RBFOX1: variants seen among roughly 807,000 people sequenced by gnomAD.
The protein encoded by RBFOX1 is RNA binding protein fox-1 homolog 1.
Under a neutral mutation model 57.7 loss-of-function variants are expected in RBFOX1, and 8 were observed. That is an observed-to-expected ratio of 0.14 (90% CI 0.08 to 0.25). RBFOX1 has a LOEUF of 0.25. Among genes scored for constraint, RBFOX1 ranks in the 10% least tolerant of loss-of-function variants. The pLI is 1.00. For synonymous variants in RBFOX1, 326 were observed against 222.4 expected (o/e 1.47, Z -4.15); for missense variants, 611 against 548.5 (o/e 1.11, Z -1.14).
chr16:7,003,266 C>T (rs1410009924), intron 3 of RBFOX1, among the ~76,000 whole-genome samples: 1 of 151,920 alleles, frequency 6.6e-6, no homozygotes, highest in East Asian at 1.9e-4. Context: ...CAAGACCATC[C>T]TGGCCAACAT....
intron 4 of RBFOX1, among the ~76,000 whole-genome samples, chr16:7,364,986 T>C (rs754066470): frequency 6.6e-6 from 1 of 152,140 alleles, no homozygotes; most frequent in African/African-American, 2.4e-5. Flanking sequence ...GATCAGATGA[T>C]TCTTTTGGGG....
chr16:6,623,091 C>T (rs1428032200), intron 2 of RBFOX1, among the ~76,000 whole-genome samples: 1 of 152,200 alleles, frequency 6.6e-6, no homozygotes, highest in Admixed American at 6.5e-5. Flanking sequence ...TGCTGTGTCC[C>T]TTGAAGTATT....
intron 4 of RBFOX1, among the ~76,000 whole-genome samples, chr16:7,428,350 G>A (rs1209083306): frequency 3.8e-5 from 5 of 132,188 alleles, no homozygotes; most frequent in East Asian, 4.3e-4. Flanking sequence ...TTTTTGAGAC[G>A]GAGTTTTGCT....
chr16:6,055,547 C>G (rs1296855750), intron 1 of RBFOX1, among the ~76,000 whole-genome samples: 3 of 141,656 alleles, frequency 2.1e-5, no homozygotes, highest in East Asian at 2.1e-4. Context: ...GAGCCAAGAT[C>G]GCACCACTGC....
chr16:5,491,083 G>A (rs1022038534), intron 2 of RBFOX1, among the ~76,000 whole-genome samples: 2 of 152,112 alleles, frequency 1.3e-5, no homozygotes, highest in Non-Finnish European at 2.9e-5. Flanking sequence ...TTCTGTACCT[G>A]CTTCATTATA....
At chr16:5,768,749 C>G (rs2053875774) in intron 3 of RBFOX1, among the ~76,000 whole-genome samples, 1 of 152,150 alleles carries the variant, frequency 6.6e-6, no homozygotes, top group Non-Finnish European at 1.5e-5. Context: ...CCAGCCTTTG[C>G]TGCTTCTGGG....
chr16:6,159,098 A>G (rs1384037045), intron 1 of RBFOX1, among the ~76,000 whole-genome samples: 2 of 151,630 alleles, frequency 1.3e-5, no homozygotes, highest in African/African-American at 2.4e-5. Flanking sequence ...TATTTTTGAG[A>G]TGGAGTCTCA....
chr16:5,465,719 G>A (rs181906628), intron 1 of RBFOX1, among the ~76,000 whole-genome samples: 9 of 152,324 alleles, frequency 5.9e-5, no homozygotes, highest in Admixed American at 3.9e-4. Flanking sequence ...TTAACACTCA[G>A]GCCTTCAGTG....
chr16:6,052,555 C>G (rs1024019933), intron 1 of RBFOX1, among the ~76,000 whole-genome samples: 5 of 151,718 alleles, frequency 3.3e-5, no homozygotes, highest in African/African-American at 1.2e-4. Context: ...GAGGCCGAGG[C>G]GGGCGGATCA....
Position 6,948,841 on chromosome 16 carries a change from A to G in RBFOX1, c.-15-103216A>G, listed in dbSNP as rs534913427. On this transcript the variant is annotated intron_variant, in intron 3 of 15. Transcript: ENST00000550418. ...CTAGAGAGATGATTTGATTTGTGTC[A>G]TCAGTCTTCTGTCCGTCTATAAACC... Among the ~76,000 whole-genome samples, 71 of 152,268 alleles carry G rather than the reference A, an allele frequency of 4.7e-4. 1 individual carries two copies. In the South Asian group the frequency reaches 0.013, roughly 27 times the overall value.
intron 3 of RBFOX1, among the ~76,000 whole-genome samples, chr16:6,973,353 C>T (rs1009848808): frequency 2.0e-5 from 3 of 152,152 alleles, no homozygotes; most frequent in East Asian, 1.9e-4. Context: ...GCACTTATTA[C>T]AATGGTTGGC....
intron 3 of RBFOX1, among the ~76,000 whole-genome samples, chr16:6,696,181 A>T (rs2061011637): frequency 6.6e-6 from 1 of 152,216 alleles, no homozygotes; most frequent in Admixed American, 6.5e-5. Context: ...TAAAAGGAAT[A>T]ATACTCTCTA....
At chr16:6,565,711 G>T (rs149437283) in intron 2 of RBFOX1, among the ~76,000 whole-genome samples, 1,995 of 151,894 alleles carry the variant, frequency 0.013, 21 homozygotes, top group Non-Finnish European at 0.022. Context: ...CTCGTGATCC[G>T]CCCGCTTTGG....
At position 6,757,881 on chromosome 16, in the gene RBFOX1, T is replaced by C. The variant is rs751375930; in HGVS notation, c.-16+103231T>C. On this transcript the variant is annotated intron_variant, in intron 3 of 15. Transcript: ENST00000550418. The stretch of plus-strand genomic sequence containing the variant: ...CTGATCATAACACATTGTGTGCATG[T>C]ATCAAAATGTCACATGTACCCTGTA... Among the ~76,000 whole-genome samples, 10 of 152,216 alleles carry C rather than the reference T, an allele frequency of 6.6e-5. 1 individual carries two copies. In the South Asian group the frequency reaches 2.1e-3, roughly 31 times the overall value.
chr16:7,257,207 C>T (rs779409658), intron 4 of RBFOX1, among the ~76,000 whole-genome samples: 8 of 152,180 alleles, frequency 5.3e-5, no homozygotes, highest in Non-Finnish European at 1.0e-4. Flanking sequence ...TCGCTAACAT[C>T]TTCCCATCCC....
intron 4 of RBFOX1, among the ~76,000 whole-genome samples, chr16:7,230,712 C>A (rs919710683): frequency 5.9e-5 from 9 of 152,130 alleles, no homozygotes; most frequent in African/African-American, 1.9e-4. Context: ...TTGAAAGTGA[C>A]CTTTAAGGCC....
At chr16:6,832,638 C>A (rs1024854972) in intron 3 of RBFOX1, among the ~76,000 whole-genome samples, 2 of 152,162 alleles carry the variant, frequency 1.3e-5, no homozygotes, top group Non-Finnish European at 2.9e-5. Context: ...CTTCCTGCCT[C>A]CTTGCTGCCA....
chr16:7,004,662 T>A (rs545320358), intron 3 of RBFOX1, among the ~76,000 whole-genome samples: 1 of 152,376 alleles, frequency 6.6e-6, no homozygotes, highest in African/African-American at 2.4e-5. Flanking sequence ...TCTGGGCATT[T>A]TTTCTATATA....
intron 2 of RBFOX1, among the ~76,000 whole-genome samples, chr16:6,507,256 C>G (rs2096124800): frequency 6.6e-6 from 1 of 151,994 alleles, no homozygotes; most frequent in African/African-American, 2.4e-5. Context: ...AAACATAAAT[C>G]AACTATACAC....
Sources: gnomAD v4.1 joint callset for allele counts (sites outside exome capture counted in the v4.1 genomes callset) on GRCh38, gnomAD v4.1.1 for gene constraint, MANE v1.5 for transcripts, NCBI Gene and HGNC (gene_info 2026-07-23, HGNC 2026-07-21) for gene names.